The following CDK12 variants were observed in gnomAD, a reference collection of about 807,000 sequenced individuals.
The protein encoded by CDK12 is cyclin-dependent kinase 12.
CDK12 carries 17 observed loss-of-function variants against 133.8 expected under a neutral mutation model. The ratio of observed to expected loss-of-function variants is 0.13; its 90% CI spans 0.09 to 0.19. CDK12 has a LOEUF of 0.19. CDK12 is among the 10% of genes least tolerant of loss of function. The pLI, the probability that CDK12 is intolerant of heterozygous loss-of-function variation, is 1.00. For missense variants in CDK12, 1,508 were observed against 1,818.7 expected (o/e 0.83, Z 3.11); for synonymous variants, 694 against 683.6 (o/e 1.02, Z -0.24).
intron 8 of CDK12, among the ~76,000 whole-genome samples, chr17:39,511,897 A>G (rs2146385457): frequency 6.6e-6 from 1 of 152,248 alleles, no homozygotes; most frequent in Admixed American, 6.5e-5. Context: ...ATAGCTTGCA[A>G]TTGATTACAT....
intron 3 of CDK12, among the ~76,000 whole-genome samples, chr17:39,563,387 A>G (rs1478937054): frequency 6.9e-6 from 1 of 144,132 alleles, no homozygotes; most frequent in Non-Finnish European, 1.5e-5. Context: ...GAGAGAACTC[A>G]ATATTCTCTC....
intron 13 of CDK12, 98 bp from the exon 14 acceptor site, chr17:39,530,506 T>TA: frequency 6.8e-7 from 1 of 1,465,768 alleles, no homozygotes; most frequent in Non-Finnish European, 9.1e-7. Flanking sequence ...TCTGGTTACT[T>TA]ATATTGATAT....
intron 2 of CDK12, among the ~76,000 whole-genome samples, chr17:39,489,408 C>CTGG (rs1478386818): frequency 2.0e-5 from 3 of 151,512 alleles, no homozygotes; most frequent in African/African-American, 7.3e-5. Flanking sequence ...TTTCACCAGG[C>CTGG]TGGCCAGGCT....
intron 1 of CDK12, among the ~76,000 whole-genome samples, chr17:39,467,053 A>G (rs556601187): frequency 2.0e-5 from 3 of 152,192 alleles, no homozygotes; most frequent in Admixed American, 1.3e-4. Flanking sequence ...ATCTCAGCTC[A>G]CTGCAACCTC....
At chr17:39,467,432 A>G (rs2049426140) in intron 1 of CDK12, among the ~76,000 whole-genome samples, 4 of 152,202 alleles carry the variant, frequency 2.6e-5, no homozygotes, top group African/African-American at 9.6e-5. Flanking sequence ...TCTTGAAGAC[A>G]CATTGCTTAT....
At chr17:39,508,301 C>T (rs2053262698) in intron 6 of CDK12, among the ~76,000 whole-genome samples, 1 of 152,100 alleles carries the variant, frequency 6.6e-6, no homozygotes, top group Non-Finnish European at 1.5e-5. Context: ...TATTAGACAC[C>T]TACACCAGCT....
At chr17:39,565,167 G>A (rs1234850641), downstream of CDK12, among the ~76,000 whole-genome samples, 3 of 152,178 alleles carry the variant, frequency 2.0e-5, no homozygotes, top group South Asian at 4.2e-4. Flanking sequence ...AGGCTGGAGT[G>A]CAGTGGTGTA....
chr17:39,512,712 T>C (rs1307922607), intron 8 of CDK12, among the ~76,000 whole-genome samples: 2 of 152,240 alleles, frequency 1.3e-5, no homozygotes, highest in Non-Finnish European at 2.9e-5. Context: ...GGAATACTTA[T>C]ATAAAGATAT....
At position 39,525,946 on chromosome 17, in the gene CDK12, C is replaced by T. The variant is rs55991638; in HGVS notation, c.3390C>T (p.Ser1130=). The stretch of plus-strand genomic sequence containing the variant: ...TGCTGCAGAGCCAAACCGACCTGAG[C>T]ATCCCTCAAATGGCACAGCTGCTTA... ...LNLLQSQTDL[S]IPQMAQLLNI... is the part of the protein sequence containing the mutation. The change falls in exon 13 of 14, where the codon AGC becomes AGT. Residue 1130 remains serine, a synonymous_variant. Transcript: ENST00000447079. 1.1e-5 allele frequency: 18 copies of T among 1,614,166 alleles called. No homozygotes were observed. The highest frequency in any genetic ancestry group is 1.7e-5 in the Admixed American group (1 of 60,018).
intron 2 of CDK12, among the ~76,000 whole-genome samples, chr17:39,485,668 C>A (rs1252050409): frequency 6.6e-6 from 1 of 151,650 alleles, no homozygotes; most frequent in Non-Finnish European, 1.5e-5. Flanking sequence ...GGCCTCGGCC[C>A]CCTAAAGTGC....
chr17:39,562,100 C>T (rs1020040604), intron 3 of CDK12, among the ~76,000 whole-genome samples: 1 of 152,094 alleles, frequency 6.6e-6, no homozygotes, highest in African/African-American at 2.4e-5. Flanking sequence ...CCTCCATGCC[C>T]AGCTAATTTT....
intron 6 of CDK12, 90 bp from the exon 7 acceptor site, chr17:39,509,614 TC>T: frequency 1.2e-6 from 1 of 813,918 alleles, no homozygotes; most frequent in African/African-American, 1.7e-5. Flanking sequence ...TTTTTGTAAT[TC>T]CTTTACCCCT....
intron 1 of CDK12, among the ~76,000 whole-genome samples, chr17:39,469,258 A>C (rs565753208): frequency 6.6e-6 from 1 of 152,286 alleles, no homozygotes; most frequent in East Asian, 1.9e-4. Context: ...TTTTATTTCC[A>C]AAGCCTTTCT....
At chr17:39,481,620 T>C (rs1567705628) in intron 2 of CDK12, among the ~76,000 whole-genome samples, 1 of 137,638 alleles carries the variant, frequency 7.3e-6, no homozygotes, top group East Asian at 2.1e-4. Flanking sequence ...CTTATGTGCT[T>C]GCTCGCTCGC....
intron 2 of CDK12, among the ~76,000 whole-genome samples, chr17:39,476,812 C>T (rs968022916): frequency 2.8e-5 from 4 of 145,198 alleles, no homozygotes; most frequent in African/African-American, 1.0e-4. Flanking sequence ...ACCTCCGCCT[C>T]CCAAGTTCAA....
intron 6 of CDK12, among the ~76,000 whole-genome samples, chr17:39,503,538 C>G (rs1033878288): frequency 6.6e-6 from 1 of 151,722 alleles, no homozygotes; most frequent in African/African-American, 2.4e-5. Flanking sequence ...CCCTTTACTC[C>G]TCCATGAGGA....
In CDK12 at chr17:39,524,744, G is replaced by A. The variant is rs780032029; in HGVS notation, c.3166G>A (p.Val1056Ile). Residue 1056 changes from valine (V) to isoleucine (I), a missense_variant, in exon 12 of 14, where the codon GTA becomes ATA. Around this residue, in one of 9 missense-constraint regions of CDK12, gnomAD observed 399 missense variants for 469.6 expected, o/e 0.85. Transcript: ENST00000447079. ...GCGACGTCAGCGACAAAGTGGTGTTGTAGTCGAAGAGCCACCTCCATCCAA... is the reference window on the plus strand; with the variant it reads ...GCGACGTCAGCGACAAAGTGGTGTTATAGTCGAAGAGCCACCTCCATCCAA... ...KRRRQRQSGV[V>I]VEEPPPSKTS... 3.1e-6 allele frequency: 5 copies of A among 1,614,200 alleles called. No homozygotes were observed. Among genetic ancestry groups the A allele is most frequent in the Non-Finnish European group, 4.2e-6 (5 of 1,180,044 alleles).
intron 2 of CDK12, 29 bp downstream of exon 2, chr17:39,471,792 C>A: frequency 5.8e-6 from 9 of 1,552,676 alleles, no homozygotes; most frequent in Non-Finnish European, 7.9e-6. Flanking sequence ...TGGAAAAAAC[C>A]CCCTTGATCT....
At chr17:39,506,074 A>G (rs2053100950) in intron 6 of CDK12, among the ~76,000 whole-genome samples, 1 of 152,182 alleles carries the variant, frequency 6.6e-6, no homozygotes, top group South Asian at 2.1e-4. Context: ...GGAGAATGCC[A>G]GAGGTCTGTA....
Sources: allele counts gnomAD v4.1 joint callset (sites outside exome capture counted in the v4.1 genomes callset), GRCh38; gene constraint gnomAD v4.1.1; regional missense constraint gnomAD v4.1.1; transcripts MANE v1.5; gene names NCBI Gene and HGNC (gene_info 2026-07-23, HGNC 2026-07-21).